The following FNIP2 variants were observed in gnomAD, a reference collection of about 807,000 sequenced individuals.
The protein encoded by FNIP2 is folliculin interacting protein 2, also known as folliculin-interacting protein 2.
FNIP2 carries 32 observed loss-of-function variants against 108.7 expected under a neutral mutation model. The observed-to-expected ratio is 0.29, with a 90% CI of 0.22 to 0.40. FNIP2 has a LOEUF of 0.40. Ranked by LOEUF, FNIP2 falls within the 10% of genes least tolerant of loss-of-function variation. FNIP2 has a pLI of 1.00. For synonymous variants in FNIP2, 480 were observed against 496.7 expected, an observed-to-expected ratio of 0.97 and a Z score of 0.45; for missense variants, 1,202 against 1,381.6, an observed-to-expected ratio of 0.87 and a Z score of 2.06.
rs367699931 is a variant in FNIP2, at chr4:158,769,230, C to T, written c.18C>T (p.Leu6=). Residue 6 remains leucine, a synonymous_variant, in exon 1 of 17, where the codon CTC becomes CTT. Coordinates refer to ENST00000264433, the MANE Select transcript of FNIP2 (RefSeq NM_020840.3). The stretch of plus-strand genomic sequence containing the variant: ...GCGGCATCATGGCCCCGACCCTGCT[C>T]CAGAAGCTCTTCAACAAAAGGGGCA... MAPTL[L]QKLFNKRGSS... 7 of 1,515,036 alleles carry T rather than the reference C, an allele frequency of 4.6e-6. No individual in the cohort carries two copies. The highest frequency in any genetic ancestry group is 6.2e-6 in the Non-Finnish European group (7 of 1,134,766). 93.8% of individuals were successfully genotyped at this position (1,515,036 alleles called of 1,614,324 possible). A position where few individuals can be genotyped will look rare whatever the true frequency, so the allele number is the denominator to read the frequency against.
chr4:158,881,283 CCT>C (rs1234876495), intron 14 of FNIP2, among the ~76,000 whole-genome samples: 1 of 144,622 alleles, frequency 6.9e-6, no homozygotes, highest in Admixed American at 6.8e-5. Flanking sequence ...TCTCCCTCTC[CCT>C]CTCTTTCCAC....
chr4:158,818,716 G>A (rs1235617282), intron 1 of FNIP2, among the ~76,000 whole-genome samples: 1 of 152,220 alleles, frequency 6.6e-6, no homozygotes, highest in Non-Finnish European at 1.5e-5. Flanking sequence ...TTAAGGAATT[G>A]TGTATCTGAG....
At chr4:158,830,487 C>T (rs1778418758) in intron 3 of FNIP2, among the ~76,000 whole-genome samples, 1 of 151,986 alleles carries the variant, frequency 6.6e-6, no homozygotes, top group Admixed American at 6.6e-5. Flanking sequence ...TGGTCTCGAT[C>T]TCCTGACCTC....
chr4:158,819,317 T>C (rs894424524), intron 1 of FNIP2, among the ~76,000 whole-genome samples: 1 of 152,218 alleles, frequency 6.6e-6, no homozygotes, highest in African/African-American at 2.4e-5. Flanking sequence ...TTCTTAAAGA[T>C]GGAAGAATTG....
At chr4:158,889,033 GT>G (rs909142931) in intron 14 of FNIP2, among the ~76,000 whole-genome samples, 1 of 151,422 alleles carries the variant, frequency 6.6e-6, no homozygotes, top group East Asian at 1.9e-4. Context: ...CTACAAAAAC[GT>G]TTTTTTTAAT....
intron 15 of FNIP2, among the ~76,000 whole-genome samples, chr4:158,892,936 T>G (rs925302840): frequency 1.3e-5 from 2 of 151,854 alleles, no homozygotes; most frequent in Non-Finnish European, 2.9e-5. Context: ...CTTGTACCCA[T>G]TCCTCAAAAA....
intron 1 of FNIP2, among the ~76,000 whole-genome samples, chr4:158,792,457 T>C (rs1776452550): frequency 6.6e-6 from 1 of 151,900 alleles, no homozygotes. Context: ...GTGGTCCTAC[T>C]GTAAGAAGCT....
chr4:158,776,810 A>C (rs4331732), intron 1 of FNIP2, among the ~76,000 whole-genome samples: 11,011 of 152,318 alleles, frequency 0.072, 580 homozygotes, highest in African/African-American at 0.14. Flanking sequence ...GAATGAATTC[A>C]AGAGTTTTGA....
Position 158,769,316 on chromosome 4 carries a change from T to G in FNIP2, c.104T>G (p.Phe35Cys), listed in dbSNP as rs1481239621. The change falls in exon 1 of 17, where the codon TTT (phenylalanine) becomes TGT (cysteine). Residue 35 changes from phenylalanine (F) to cysteine (C), a missense_variant. Physicochemically the swap from Phe to Cys is radical, Grantham distance 205. Transcript: ENST00000264433. ...QGRAPKEGPA[F>C]SWSCSEFDLN... is the part of the protein sequence containing the mutation. ...AGGGCTCCTAAGGAAGGACCCGCCT[T>G]TAGGTGAGGGGGCGCCGGGGGGCAA... is the stretch of plus-strand genomic sequence containing the variant. The G allele has an allele frequency of 3.4e-6, 5 of 1,490,134 alleles. No homozygotes were observed. Among genetic ancestry groups the G allele is most frequent in the East Asian group, 2.8e-5 (1 of 35,496 alleles). The allele number at this position is 1,490,134 out of a possible 1,614,324, so 92.3% of individuals were successfully genotyped here. A position where few individuals can be genotyped will look rare whatever the true frequency, so the allele number is the denominator to read the frequency against.
At chr4:158,867,051 T>C (rs1780623485) in intron 12 of FNIP2, among the ~76,000 whole-genome samples, 1 of 152,224 alleles carries the variant, frequency 6.6e-6, no homozygotes, top group Non-Finnish European at 1.5e-5. Flanking sequence ...ATGAAAAGCT[T>C]ATTGCTGGGT....
At chr4:158,873,235 C>G (rs1781062560) in intron 14 of FNIP2, among the ~76,000 whole-genome samples, 1 of 151,634 alleles carries the variant, frequency 6.6e-6, no homozygotes, top group South Asian at 2.1e-4. Context: ...ACTCATAATT[C>G]TTTTTAGAGA....
At chr4:158,841,591 T>C (rs1779135616) in intron 7 of FNIP2, among the ~76,000 whole-genome samples, 1 of 152,216 alleles carries the variant, frequency 6.6e-6, no homozygotes, top group Non-Finnish European at 1.5e-5. Flanking sequence ...GACACCCCAT[T>C]GACCTTGCAC....
chr4:158,803,921 T>G (rs545923193), intron 1 of FNIP2, among the ~76,000 whole-genome samples: 2 of 152,272 alleles, frequency 1.3e-5, no homozygotes, highest in East Asian at 3.9e-4. Flanking sequence ...ACAGTTAGAT[T>G]CATATCATAG....
At chr4:158,862,410 T>C (rs1384709713) in intron 12 of FNIP2, among the ~76,000 whole-genome samples, 1 of 152,224 alleles carries the variant, frequency 6.6e-6, no homozygotes, top group Non-Finnish European at 1.5e-5. Flanking sequence ...GGTCGTGAGA[T>C]GTATAAATGA....
chr4:158,815,105 AC>A (rs1399006490), intron 1 of FNIP2, among the ~76,000 whole-genome samples: 1 of 152,212 alleles, frequency 6.6e-6, no homozygotes, highest in African/African-American at 2.4e-5. Context: ...ACATTTAGTC[AC>A]CAAAACAGCA....
intron 14 of FNIP2, 70 bp from the exon 15 acceptor site, chr4:158,891,376 C>T: frequency 2.2e-6 from 3 of 1,357,862 alleles, no homozygotes; most frequent in Non-Finnish European, 2.0e-6. Context: ...ATGTATTTAT[C>T]AGTAGTGAAA....
chr4:158,861,901 A>C (rs1287684742), intron 12 of FNIP2, 125 bp downstream of exon 12: 1 of 1,144,768 alleles, frequency 8.7e-7, no homozygotes, highest in African/African-American at 1.5e-5. Flanking sequence ...CAGATGAGGA[A>C]TAGGAAGTTG....
intron 1 of FNIP2, among the ~76,000 whole-genome samples, chr4:158,789,019 C>T (rs4234924): frequency 0.9 from 137,328 of 152,264 alleles, 62,451 homozygotes; most frequent in Non-Finnish European, 0.96. Flanking sequence ...ACTCCAGGGG[C>T]TGTGACCTGG....
At position 158,864,415 on chromosome 4, in the gene FNIP2, A is replaced by G. The variant is rs557743488; in HGVS notation, c.1465+2639A>G. Among the ~76,000 whole-genome samples the G allele has an allele frequency of 3.3e-5, 5 of 152,334 alleles. No homozygotes were observed. The South Asian group carries it at 8.3e-4, about 25-fold the overall frequency. On this transcript the variant is annotated intron_variant, in intron 12 of 16. Transcript: ENST00000264433. The stretch of plus-strand genomic sequence containing the variant: ...TTGAAATAATGATAATAAAGATGCA[A>G]TAAGTTAAACTGTGTAGGGTATAAG...
Sources: gnomAD v4.1 joint callset for allele counts (sites outside exome capture counted in the v4.1 genomes callset) on GRCh38, gnomAD v4.1.1 for gene constraint, MANE v1.5 for transcripts, NCBI Gene and HGNC (gene_info 2026-07-23, HGNC 2026-07-21) for gene names.